Variants in SUCLG2 observed in about 807,000 individuals in gnomAD.
SUCLG2 encodes the protein succinate-CoA ligase GDP-forming subunit beta.
SUCLG2 carries 42 observed loss-of-function variants against 47.9 expected under a neutral mutation model. The ratio of observed to expected loss-of-function variants is 0.88; its 90% confidence interval spans 0.69 to 1.14. The LOEUF (loss-of-function observed/expected upper bound fraction) is 1.14, where lower values mean the gene tolerates loss of function less well. Among genes scored for constraint, SUCLG2 ranks in the 50% most tolerant of loss-of-function variants. The probability of loss-of-function intolerance (pLI) is 0.00; values close to 1 mark genes in which losing one functional copy is unlikely to be tolerated. For synonymous variants in SUCLG2, 195 were observed against 197.3 expected (o/e 0.99, Z 0.10); for missense variants, 571 against 525.9 (o/e 1.09, Z -0.84).
chr3:67,423,081 C>T (rs376782485), intron 9 of SUCLG2, among the ~76,000 whole-genome samples: 22 of 152,266 alleles, frequency 1.4e-4, no homozygotes, highest in African/African-American at 4.6e-4. Context: ...TCTGTGTCCC[C>T]ACCCAAATCT....
chr3:67,641,306 A>G (rs186800757), intron 1 of SUCLG2, among the ~76,000 whole-genome samples: 1 of 152,348 alleles, frequency 6.6e-6, no homozygotes, highest in East Asian at 1.9e-4. Context: ...AAGTGCTGGA[A>G]GCATAAAGCA....
chr3:67,399,407 G>C lies in SUCLG2; in HGVS notation c.1183+1324C>G, dbSNP rs191170957. The stretch of plus-strand genomic sequence containing the variant: ...GAATAAAGACTGACACACTATAGTT[G>C]CTCAGACTTGGTTAGCTGGCAGACA... On this transcript the variant is annotated intron_variant, in intron 10 of 10. Coordinates refer to ENST00000307227, the MANE Select transcript of SUCLG2 (RefSeq NM_003848.4). Among the ~76,000 whole-genome samples the C allele has an allele frequency of 1.4e-3, 213 of 152,266 alleles. 2 individuals carry two copies. Among genetic ancestry groups the C allele is most frequent in the Non-Finnish European group, 6.0e-4 (41 of 68,008 alleles).
intron 2 of SUCLG2, 26 bp from the exon 3 acceptor site, chr3:67,529,212 T>C: frequency 2.6e-6 from 4 of 1,567,700 alleles, no homozygotes; most frequent in Non-Finnish European, 8.7e-7. Flanking sequence ...CCAGAGTTGG[T>C]AGCTGATTTT....
chr3:67,631,161 G>C (rs575330246), intron 1 of SUCLG2, among the ~76,000 whole-genome samples: 1 of 152,252 alleles, frequency 6.6e-6, no homozygotes, highest in South Asian at 2.1e-4. Context: ...CCCAGTGCAG[G>C]TATGTGAAGA....
At chr3:67,543,057 A>G (rs569761016) in intron 2 of SUCLG2, among the ~76,000 whole-genome samples, 1 of 152,302 alleles carries the variant, frequency 6.6e-6, no homozygotes, top group East Asian at 1.9e-4. Flanking sequence ...AAAACTGACC[A>G]CATAATTGGA....
chr3:67,642,226 G>A (rs1462740839), intron 1 of SUCLG2, among the ~76,000 whole-genome samples: 2 of 152,170 alleles, frequency 1.3e-5, no homozygotes, highest in Non-Finnish European at 2.9e-5. Flanking sequence ...CACGTGAGTG[G>A]CATCCTGAGG....
intron 9 of SUCLG2, among the ~76,000 whole-genome samples, chr3:67,468,655 G>A (rs928385845): frequency 6.6e-6 from 1 of 152,136 alleles, no homozygotes; most frequent in African/African-American, 2.4e-5. Flanking sequence ...GCCATCTTGT[G>A]TGTCCAGCCC....
Position 67,616,878 on chromosome 3 carries a change from C to T in SUCLG2, c.85-7282G>A, listed in dbSNP as rs116271758. Among the ~76,000 whole-genome samples the T allele has an allele frequency of 2.5e-3, 379 of 152,244 alleles. 3 individuals carry two copies. The highest frequency in any genetic ancestry group is 8.8e-3 in the African/African-American group (366 of 41,536). On this transcript the variant is annotated intron_variant, in intron 1 of 10. Coordinates refer to ENST00000307227, the MANE Select transcript of SUCLG2 (RefSeq NM_003848.4). Reference sequence around the variant, plus strand: ...CACTTCGAGCTCTCAACAGCAGTGACGACAGTGGAATACAAACAAGGAATT... The same window carrying T: ...CACTTCGAGCTCTCAACAGCAGTGATGACAGTGGAATACAAACAAGGAATT...
chr3:67,468,505 G>T (rs79117147), intron 9 of SUCLG2, among the ~76,000 whole-genome samples: 70 of 152,236 alleles, frequency 4.6e-4, no homozygotes, highest in Non-Finnish European at 7.9e-4. Context: ...CCTGCCTCTT[G>T]GGAGCCATTC....
At chr3:67,476,490 A>G (rs1704762004) in intron 9 of SUCLG2, among the ~76,000 whole-genome samples, 2 of 152,096 alleles carry the variant, frequency 1.3e-5, no homozygotes, top group Admixed American at 1.3e-4. Flanking sequence ...CAAAGTGCCC[A>G]CTGATTCTAC....
intron 2 of SUCLG2, among the ~76,000 whole-genome samples, chr3:67,589,118 A>C (rs57578558): frequency 0.44 from 67,614 of 151,942 alleles, 16,227 homozygotes; most frequent in Admixed American, 0.54. Context: ...TGATCCACCC[A>C]CTTGGAATGC....
intron 9 of SUCLG2, among the ~76,000 whole-genome samples, chr3:67,430,159 C>T (rs983556673): frequency 6.6e-6 from 1 of 152,152 alleles, no homozygotes; most frequent in East Asian, 1.9e-4. Context: ...TTTTTCTCAG[C>T]ACCACATTGC....
intron 1 of SUCLG2, among the ~76,000 whole-genome samples, chr3:67,650,555 G>A (rs1701268220): frequency 6.6e-6 from 1 of 152,134 alleles, no homozygotes; most frequent in Non-Finnish European, 1.5e-5. Context: ...TCAGGAGTTT[G>A]AGACAAACCT....
chr3:67,449,000 T>A (rs1388961161), intron 9 of SUCLG2, among the ~76,000 whole-genome samples: 1 of 152,194 alleles, frequency 6.6e-6, no homozygotes, highest in African/African-American at 2.4e-5. Context: ...TGAATTTGAA[T>A]ATTTCTTGCT....
rs1170974724 is a variant in SUCLG2 at position 67,609,494 on chromosome 3, C to T, written c.187G>A (p.Asp63Asn). The T allele has an allele frequency of 2.5e-6, 4 of 1,613,344 alleles. No homozygotes were observed. In the African/African-American group the frequency reaches 4.0e-5, roughly 16 times the overall value. The change falls in exon 2 of 11, where the codon GAC becomes AAC. Residue 63 changes from aspartate (D) to asparagine (N), a missense_variant. By Grantham distance (23) the Asp-to-Asn change is conservative. Transcript: ENST00000307227. ...GVRVQRFFVA[D>N]TANEALEAAK... Reference sequence around the variant, plus strand: ...GCCTCGAGAGCTTCATTTGCAGTGTCTGCTACAAAGAATCTTTGAACTCTC... The same window carrying T: ...GCCTCGAGAGCTTCATTTGCAGTGTTTGCTACAAAGAATCTTTGAACTCTC...
intron 2 of SUCLG2, among the ~76,000 whole-genome samples, chr3:67,573,707 C>T (rs1193688858): frequency 1.3e-5 from 2 of 152,116 alleles, no homozygotes; most frequent in Non-Finnish European, 2.9e-5. Flanking sequence ...CTGTGTGAAA[C>T]CTGGGATTCA....
intron 9 of SUCLG2, among the ~76,000 whole-genome samples, chr3:67,455,186 T>G (rs1704154876): frequency 6.6e-6 from 1 of 152,202 alleles, no homozygotes; most frequent in South Asian, 2.1e-4. Flanking sequence ...ATATATATTT[T>G]AGTCCATTTG....
At chr3:67,529,228 C>T in intron 2 of SUCLG2, 42 bp from the exon 3 acceptor site, 1 of 1,537,014 alleles carries the variant, frequency 6.5e-7, no homozygotes, top group Non-Finnish European at 8.9e-7. Context: ...ATTTTAAATT[C>T]TTTTTTTGTT....
At chr3:67,523,881 AG>A (rs1706188543) in intron 4 of SUCLG2, among the ~76,000 whole-genome samples, 2 of 152,172 alleles carry the variant, frequency 1.3e-5, no homozygotes, top group African/African-American at 4.8e-5. Flanking sequence ...TTTTAGGATA[AG>A]TGTCATTCAA....
Sources: gnomAD v4.1 joint callset for allele counts (sites outside exome capture counted in the v4.1 genomes callset) on GRCh38, gnomAD v4.1.1 for gene constraint, MANE v1.5 for transcripts, NCBI Gene and HGNC (gene_info 2026-07-23, HGNC 2026-07-21) for gene names.